Variants in FANK1 observed in about 807,000 individuals in gnomAD.
FANK1 encodes fibronectin type III and ankyrin repeat domains 1, also known as fibronectin type 3 and ankyrin repeat domains protein 1.
In FANK1, 44 loss-of-function variants were observed where a neutral mutation model predicts 45.3. The observed-to-expected ratio is 0.97, with a 90% CI of 0.76 to 1.25. FANK1 has a LOEUF of 1.25. Among genes scored for constraint, FANK1 ranks in the 50% most tolerant of loss-of-function variants. FANK1 has a pLI of 0.00. For missense variants in FANK1, 391 were observed against 424.4 expected (o/e 0.92, Z 0.69); for synonymous variants, 149 against 152.5 (o/e 0.98, Z 0.17).
intron 1 of FANK1, among the ~76,000 whole-genome samples, chr10:125,925,811 T>G (rs1947307905): frequency 6.6e-6 from 1 of 150,468 alleles, no homozygotes; most frequent in South Asian, 2.1e-4. Flanking sequence ...TTAACTGGAT[T>G]ACTTAGTCCA....
intron 1 of FANK1, among the ~76,000 whole-genome samples, chr10:125,897,004 G>C (rs1036801093): frequency 1.3e-5 from 2 of 152,382 alleles, no homozygotes; most frequent in African/African-American, 4.8e-5. Flanking sequence ...CATGATTTTA[G>C]TTTGGTAGTT....
chr10:125,997,491 A>C lies in FANK1; in HGVS notation c.539+6A>C, dbSNP rs202212822. The C allele has an allele frequency of 7.7e-5, 124 of 1,613,022 alleles. No individual in the cohort carries two copies. The African/African-American group carries it at 1.5e-3, about 19-fold the overall frequency. Reference sequence around the variant, plus strand: ...AATGGAAGTGGCAAGGACAGGTAGGAGGTGGGATATGACTGAAATTGTGCT... The same window carrying C: ...AATGGAAGTGGCAAGGACAGGTAGGCGGTGGGATATGACTGAAATTGTGCT... On this transcript the variant is annotated splice_donor_region_variant and intron_variant, in intron 6 of 10. Coordinates refer to ENST00000368693, the MANE Select transcript of FANK1 (RefSeq NM_145235.5).
intron 1 of FANK1, among the ~76,000 whole-genome samples, chr10:125,898,684 C>T (rs78961937): frequency 1.3e-5 from 2 of 151,916 alleles, no homozygotes; most frequent in East Asian, 1.9e-4. Flanking sequence ...AAAATTCAAC[C>T]GGAGCCTGAT....
intron 1 of FANK1, among the ~76,000 whole-genome samples, chr10:125,914,063 T>C (rs1231229331): frequency 6.6e-6 from 1 of 152,112 alleles, no homozygotes; most frequent in Non-Finnish European, 1.5e-5. Flanking sequence ...CTACCTCTTA[T>C]AATTCTTAAA....
chr10:125,975,077 A>G, intron 1 of FANK1: 1 of 152,260 alleles, frequency 6.6e-6, no homozygotes, highest in Non-Finnish European at 1.5e-5. Flanking sequence ...GCTTCCTCTT[A>G]TAAAAGAGAA....
intron 1 of FANK1, among the ~76,000 whole-genome samples, chr10:125,905,929 G>C (rs1358343635): frequency 6.6e-6 from 1 of 152,312 alleles, no homozygotes; most frequent in Non-Finnish European, 1.5e-5. Context: ...ATCACCTAGA[G>C]CTTTGGGGCT....
At chr10:125,903,448 G>T (rs1420064495) in intron 1 of FANK1, among the ~76,000 whole-genome samples, 6 of 152,264 alleles carry the variant, frequency 3.9e-5, no homozygotes, top group Non-Finnish European at 1.5e-5. Context: ...CTGTGCCCCA[G>T]ACCTTTCCTG....
intron 1 of FANK1, among the ~76,000 whole-genome samples, chr10:125,898,979 C>T (rs1201652621): frequency 9.4e-5 from 14 of 149,418 alleles, no homozygotes; most frequent in African/African-American, 3.2e-4. Flanking sequence ...AGTACACCCT[C>T]GAACTCTTGG....
intron 1 of FANK1, among the ~76,000 whole-genome samples, chr10:125,926,844 A>G (rs1474902235): frequency 1.3e-5 from 2 of 152,248 alleles, no homozygotes; most frequent in East Asian, 1.9e-4. Context: ...ATTTCTGCAC[A>G]TTTTAAGCTC....
At chr10:125,897,701 G>A (rs1413084565) in intron 1 of FANK1, among the ~76,000 whole-genome samples, 1 of 152,302 alleles carries the variant, frequency 6.6e-6, no homozygotes, top group Non-Finnish European at 1.5e-5. Flanking sequence ...ATTTTGTACA[G>A]TATTTGTCAT....
intron 1 of FANK1, among the ~76,000 whole-genome samples, chr10:125,932,016 T>G (rs1947785019): frequency 1.3e-5 from 2 of 152,310 alleles, no homozygotes; most frequent in Admixed American, 6.5e-5. Flanking sequence ...TATAAGTGTT[T>G]GGGCTTATTT....
Position 125,984,639 on chromosome 10 carries a change from G to C in FANK1, c.192-3912G>C, listed in dbSNP as rs563914008. On this transcript the variant is annotated intron_variant, in intron 2 of 10. Coordinates refer to ENST00000368693, the MANE Select transcript of FANK1 (RefSeq NM_145235.5). ...GTCTGGGTTGGAGAGACAGACTCCAGAGTCATCAGCATGAGGCTGGATTGG... is the reference window on the plus strand; with the variant it reads ...GTCTGGGTTGGAGAGACAGACTCCACAGTCATCAGCATGAGGCTGGATTGG... Among the ~76,000 whole-genome samples the C allele has an allele frequency of 2.6e-5, 4 of 152,324 alleles. No individual in the cohort carries two copies. In the South Asian group the frequency reaches 8.3e-4, roughly 32 times the overall value.
chr10:125,917,082 G>T (rs1362753561), intron 1 of FANK1, among the ~76,000 whole-genome samples: 2 of 152,152 alleles, frequency 1.3e-5, no homozygotes, highest in Non-Finnish European at 2.9e-5. Flanking sequence ...ATTCTTTTGG[G>T]CTGAGCTCCT....
In FANK1 at chr10:125,996,587, A is replaced by G. The variant is rs776494010; in HGVS notation, c.436A>G (p.Thr146Ala). 3.7e-6 allele frequency: 6 copies of G among 1,614,126 alleles called. No individual in the cohort carries two copies. The highest frequency in any genetic ancestry group is 4.5e-5 in the East Asian group (2 of 44,872). ...KVDVPNKFGF[T>A]ALMVAAQKGY... ...TGATGTTCCCAATAAGTTTGGCTTT[A>G]CCGCTCTGATGGTTGCTGCCCAGAA... The change falls in exon 5 of 11, where the codon ACC (threonine) becomes GCC (alanine). Residue 146 changes from threonine to alanine, a missense_variant. Coordinates refer to ENST00000368693, the MANE Select transcript of FANK1 (RefSeq NM_145235.5).
chr10:125,923,219 G>T (rs1947069972), intron 1 of FANK1, among the ~76,000 whole-genome samples: 1 of 151,896 alleles, frequency 6.6e-6, no homozygotes, highest in Non-Finnish European at 1.5e-5. Flanking sequence ...AGCACTTTGG[G>T]AGGCTCAGGT....
At chr10:125,956,177 A>C (rs573594852) in intron 1 of FANK1, among the ~76,000 whole-genome samples, 5 of 113,542 alleles carry the variant, frequency 4.4e-5, no homozygotes, top group African/African-American at 1.4e-4. Flanking sequence ...TGAAGCTTAA[A>C]CCAGTACTTC....
At chr10:125,902,736 C>T (rs1945149534) in intron 1 of FANK1, among the ~76,000 whole-genome samples, 1 of 152,120 alleles carries the variant, frequency 6.6e-6, no homozygotes, top group Non-Finnish European at 1.5e-5. Context: ...GTCATAAGAC[C>T]TAAAAATCTT....
intron 1 of FANK1, among the ~76,000 whole-genome samples, chr10:125,915,703 A>G (rs920652260): frequency 6.6e-6 from 1 of 152,192 alleles, no homozygotes; most frequent in African/African-American, 2.4e-5. Context: ...AGTCCCAGCT[A>G]CTCAGGAGGC....
chr10:125,897,828 C>T (rs141713013), intron 1 of FANK1, among the ~76,000 whole-genome samples: 2 of 152,000 alleles, frequency 1.3e-5, no homozygotes, highest in Non-Finnish European at 2.9e-5. Context: ...TGTATATTCC[C>T]GCCTTAGAGA....
Sources: allele counts gnomAD v4.1 joint callset (sites outside exome capture counted in the v4.1 genomes callset), GRCh38; gene constraint gnomAD v4.1.1; transcripts MANE v1.5; gene names NCBI Gene and HGNC (gene_info 2026-07-23, HGNC 2026-07-21).